Variants in CASR observed in about 807,000 individuals in gnomAD.
CASR encodes extracellular calcium-sensing receptor.
A neutral mutation model predicts 69.1 loss-of-function variants in CASR; 23 were observed. That is an observed-to-expected ratio of 0.33 (90% CI 0.24 to 0.47). The LOEUF is 0.47. Among genes scored for constraint, CASR ranks in the 20% least tolerant of loss-of-function variants. CASR has a pLI of 1.00. For missense variants in CASR, 924 were observed against 1,356.1 expected (o/e 0.68, Z 5.00); for synonymous variants, 541 against 544.7 (o/e 0.99, Z 0.10).
intron 1 of CASR, among the ~76,000 whole-genome samples, chr3:122,198,760 C>T (rs2073914370): frequency 6.6e-6 from 1 of 151,514 alleles, no homozygotes; most frequent in African/African-American, 2.4e-5. Context: ...TATGAAATTA[C>T]TCAAAAAATT....
intron 1 of CASR, among the ~76,000 whole-genome samples, chr3:122,225,554 C>CAAAAAAAA (rs33940289): frequency 8.3e-6 from 1 of 120,354 alleles, no homozygotes. Flanking sequence ...CTAAAAAGTC[C>CAAAAAAAA]AAAAAAAAAA....
chr3:122,217,091 A>G (rs770916375), intron 1 of CASR, among the ~76,000 whole-genome samples: 11 of 148,028 alleles, frequency 7.4e-5, no homozygotes, highest in Non-Finnish European at 1.6e-4. Flanking sequence ...TTTTGAGTGC[A>G]GTGAAGGGAA....
At chr3:122,225,340 C>G (rs1056809657) in intron 1 of CASR, among the ~76,000 whole-genome samples, 4 of 151,210 alleles carry the variant, frequency 2.6e-5, no homozygotes, top group African/African-American at 9.7e-5. Context: ...GGTCTAATAT[C>G]CAGAATTTGT....
chr3:122,230,640 G>A (rs2074270152), intron 1 of CASR, among the ~76,000 whole-genome samples: 1 of 152,206 alleles, frequency 6.6e-6, no homozygotes, highest in Non-Finnish European at 1.5e-5. Flanking sequence ...AAAGGAACCA[G>A]GAAGAGAGCC....
intron 4 of CASR, 147 bp from the exon 5 acceptor site, chr3:122,275,665 A>T (rs983793624): frequency 3.0e-5 from 21 of 710,258 alleles, no homozygotes; most frequent in Non-Finnish European, 5.2e-5. Flanking sequence ...TTTGGTGTGA[A>T]TTAGAAAAAG....
At chr3:122,217,837 C>G (rs2074132384) in intron 1 of CASR, among the ~76,000 whole-genome samples, 1 of 151,980 alleles carries the variant, frequency 6.6e-6, no homozygotes, top group Non-Finnish European at 1.5e-5. Flanking sequence ...TAAATGTTAG[C>G]TATTATTTTT....
At chr3:122,247,942 C>T (rs900138300) in intron 1 of CASR, among the ~76,000 whole-genome samples, 4 of 152,160 alleles carry the variant, frequency 2.6e-5, no homozygotes, top group Non-Finnish European at 5.9e-5. Context: ...CTTTTCATTA[C>T]GCTCCTGTCT....
At chr3:122,262,488 G>C in intron 4 of CASR, 76 bp downstream of exon 4, 1 of 1,314,128 alleles carries the variant, frequency 7.6e-7, no homozygotes, top group Non-Finnish European at 1.1e-6. Flanking sequence ...AAGAAAAATA[G>C]TGGTCATTTG....
chr3:122,248,321 G>T (rs2074448066), intron 1 of CASR, among the ~76,000 whole-genome samples: 2 of 152,202 alleles, frequency 1.3e-5, no homozygotes, highest in Non-Finnish European at 2.9e-5. Flanking sequence ...TCAGCAAGAG[G>T]TAAAGGAAGC....
At chr3:122,243,798 G>A (rs1474637949) in intron 1 of CASR, among the ~76,000 whole-genome samples, 1 of 151,788 alleles carries the variant, frequency 6.6e-6, no homozygotes, top group African/African-American at 2.4e-5. Context: ...AAAGATGAAT[G>A]GATACAAAAA....
intron 1 of CASR, among the ~76,000 whole-genome samples, chr3:122,223,018 T>G (rs2074187082): frequency 6.6e-6 from 1 of 152,050 alleles, no homozygotes; most frequent in Non-Finnish European, 1.5e-5. Context: ...TCTTTGAAAC[T>G]AATAAGACCA....
At chr3:122,248,049 C>A (rs2074444804) in intron 1 of CASR, among the ~76,000 whole-genome samples, 1 of 152,208 alleles carries the variant, frequency 6.6e-6, no homozygotes. Flanking sequence ...GAGGGCAAGA[C>A]CATGTGCAGC....
intron 4 of CASR, among the ~76,000 whole-genome samples, chr3:122,275,009 C>T (rs376159876): frequency 2.0e-5 from 3 of 152,208 alleles, no homozygotes; most frequent in East Asian, 1.9e-4. Context: ...TGACCCTGGA[C>T]GAGATACTTA....
At chr3:122,205,792 A>G (rs543677382) in intron 1 of CASR, among the ~76,000 whole-genome samples, 29 of 151,862 alleles carry the variant, frequency 1.9e-4, no homozygotes, top group African/African-American at 6.7e-4. Context: ...CACTTATTTG[A>G]TTAAATTTAT....
intron 1 of CASR, among the ~76,000 whole-genome samples, chr3:122,252,459 G>GA (rs1423080314): frequency 1.6e-5 from 1 of 62,288 alleles, no homozygotes; most frequent in East Asian, 3.5e-4. Flanking sequence ...AAAAAGAAAA[G>GA]AAAGAAAAGA....
intron 1 of CASR, among the ~76,000 whole-genome samples, chr3:122,206,408 C>T (rs942376952): frequency 5.3e-5 from 8 of 151,986 alleles, no homozygotes; most frequent in Non-Finnish European, 1.5e-5. Context: ...ACCATCCTTG[C>T]ATCCCTGGGA....
At chr3:122,223,748 C>T (rs1218265266) in intron 1 of CASR, among the ~76,000 whole-genome samples, 2 of 152,072 alleles carry the variant, frequency 1.3e-5, no homozygotes, top group Non-Finnish European at 2.9e-5. Flanking sequence ...AAAAAGAAAA[C>T]TTCAGACAAT....
Position 122,262,882 on chromosome 3 carries a change from G to A in CASR, c.1377+470G>A, listed in dbSNP as rs570086629. ...ACAGCCTATACCAAGCCACCCAGCA[G>A]GTCAGCTAAGCACAGCTTAGGACAA... On this transcript the variant is annotated intron_variant, in intron 4 of 6. Transcript: ENST00000639785. Among the ~76,000 whole-genome samples, 7 of 152,274 alleles carry A rather than the reference G, an allele frequency of 4.6e-5. 1 individual carries two copies. The highest frequency in any genetic ancestry group is 4.1e-4 in the South Asian group (2 of 4,828).
intron 5 of CASR, among the ~76,000 whole-genome samples, chr3:122,281,128 C>T (rs1351512242): frequency 1.3e-5 from 2 of 152,168 alleles, no homozygotes; most frequent in African/African-American, 4.8e-5. Context: ...CACTGAAGAA[C>T]CTGGAAGTTA....
Sources: allele counts gnomAD v4.1 joint callset (sites outside exome capture counted in the v4.1 genomes callset), GRCh38; gene constraint gnomAD v4.1.1; transcripts MANE v1.5; gene names NCBI Gene and HGNC (gene_info 2026-07-23, HGNC 2026-07-21).